KIDINS220: variants seen among roughly 807,000 people sequenced by gnomAD.
KIDINS220 encodes kinase D-interacting substrate of 220 kDa.
Under a neutral mutation model 157.6 loss-of-function variants are expected in KIDINS220, and 63 were observed. The ratio of observed to expected loss-of-function variants is 0.40; its 90% confidence interval spans 0.33 to 0.49. The LOEUF is 0.49. Among genes scored for constraint, KIDINS220 ranks in the 20% least tolerant of loss-of-function variants. KIDINS220 has a pLI of 0.66. For missense variants in KIDINS220, 1,772 were observed against 2,171.2 expected, an observed-to-expected ratio of 0.82 and a Z score of 3.65; for synonymous variants, 732 against 783.6, an observed-to-expected ratio of 0.93 and a Z score of 1.10.
Position 8,731,546 on chromosome 2 carries a change from G to A in KIDINS220, c.4490C>T (p.Ser1497Phe). 6.2e-7 allele frequency: 1 copy of A among 1,614,158 alleles called. No homozygotes were observed. Among genetic ancestry groups the A allele is most frequent in the Non-Finnish European group, 8.5e-7 (1 of 1,180,018 alleles). The change falls in exon 30 of 30, where the codon TCC becomes TTC. Residue 1497 changes from serine to phenylalanine, a missense_variant. Transcript: ENST00000256707. This position sits in a 1 kb window ranked among gnomAD's most constrained non-coding sequence, Gnocchi z 5.2. ...GSKLLPGKKS[S>F]ERSSLFQTDL... ...TGTCTGGAAGAGGCTTGACCTTTCGGAAGATTTCTTGCCTGGGAGAAGCTT... is the reference window on the plus strand; with the variant it reads ...TGTCTGGAAGAGGCTTGACCTTTCGAAAGATTTCTTGCCTGGGAGAAGCTT...
In KIDINS220 at chr2:8,837,566, G is replaced by GT. The variant is rs1680618876; in HGVS notation, c.-124dup. 6.6e-6 allele frequency: 1 copy of GT among 152,286 alleles called. No homozygotes were observed. Among genetic ancestry groups the GT allele is most frequent in the African/African-American group, 2.4e-5 (1 of 41,454 alleles). 9.4% of individuals were successfully genotyped at this position (152,286 alleles called of 1,614,324 possible). A position where few individuals can be genotyped will look rare whatever the true frequency, so the allele number is the denominator to read the frequency against. On this transcript the variant is annotated 5_prime_UTR_variant, in exon 1 of 30. It removes the in-frame stop codon of an upstream open reading frame in the 5' UTR. Coordinates refer to ENST00000256707, the MANE Select transcript of KIDINS220 (RefSeq NM_020738.4). The stretch of plus-strand genomic sequence containing the variant: ...AGCAAGAGACGGCGACTGCAAGCGC[G>GT]TCGCCCTCACCACACCCGGCGGCCA...
chr2:8,721,511 T>C (rs142042518), downstream of KIDINS220: 17 of 152,330 alleles, frequency 1.1e-4, no homozygotes, highest in African/African-American at 4.1e-4. Flanking sequence ...TGGCTATAGA[T>C]TTTTAAGTTT....
chr2:8,776,495 A>G (rs538342725), intron 21 of KIDINS220, among the ~76,000 whole-genome samples: 1 of 152,354 alleles, frequency 6.6e-6, no homozygotes, highest in South Asian at 2.1e-4. Flanking sequence ...TAGTGAAAGA[A>G]AAACTTGAAG....
At position 8,817,650 on chromosome 2, in the gene KIDINS220, T is replaced by C. The variant is rs1198739489; in HGVS notation, c.274A>G (p.Lys92Glu). Residue 92 changes from lysine (K) to glutamate (E), a missense_variant, in exon 4 of 30, where the codon AAA (lysine) becomes GAA (glutamate). By Grantham distance (56) the Lys-to-Glu change is moderately conservative. Transcript: ENST00000256707. ...CGGTGCTCCAAGTTAACCCCACATTTCAGTAGTTCCTCTACGATGTGCACA... is the reference window on the plus strand; with the variant it reads ...CGGTGCTCCAAGTTAACCCCACATTCCAGTAGTTCCTCTACGATGTGCACA... ...GHVHIVEELLKCGVNLEHRDM... is the reference protein window; with the variant it reads ...GHVHIVEELLECGVNLEHRDM... 1 of 1,607,122 alleles carries C rather than the reference T, an allele frequency of 6.2e-7. No homozygotes were observed. Among genetic ancestry groups the C allele is most frequent in the South Asian group, 1.1e-5 (1 of 89,820 alleles).
intron 26 of KIDINS220, among the ~76,000 whole-genome samples, chr2:8,742,955 C>A (rs1429021839): frequency 6.6e-6 from 1 of 152,156 alleles, no homozygotes; most frequent in Non-Finnish European, 1.5e-5. Flanking sequence ...GAGCAGCATA[C>A]CTTAAATTAA....
intron 4 of KIDINS220, among the ~76,000 whole-genome samples, chr2:8,814,367 G>A (rs1676750646): frequency 6.6e-6 from 1 of 152,132 alleles, no homozygotes. Context: ...AACAACTTGA[G>A]CAGTAATATT....
intron 17 of KIDINS220, 117 bp from the exon 18 acceptor site, chr2:8,779,931 T>C: frequency 9.9e-7 from 1 of 1,006,122 alleles, no homozygotes; most frequent in South Asian, 1.6e-5. Context: ...TTCAAAGTCC[T>C]TGCTGCCAGT....
At chr2:8,807,710 A>G (rs1194562910) in intron 6 of KIDINS220, among the ~76,000 whole-genome samples, 1 of 152,182 alleles carries the variant, frequency 6.6e-6, no homozygotes, top group African/African-American at 2.4e-5. Flanking sequence ...GACAGACAGA[A>G]TCACAAGGTT....
At chr2:8,800,150 C>T (rs934421067) in intron 9 of KIDINS220, 13 of 372,856 alleles carry the variant, frequency 3.5e-5, no homozygotes, top group African/African-American at 2.5e-4. Flanking sequence ...TCTATATATA[C>T]CCATTAGTAA....
chr2:8,787,376 C>T (rs1572656424), intron 15 of KIDINS220, among the ~76,000 whole-genome samples: 2 of 144,730 alleles, frequency 1.4e-5, no homozygotes, highest in South Asian at 2.2e-4. Flanking sequence ...TCTTTTAATG[C>T]TTTTTTTTTT....
At chr2:8,775,416 G>T (rs1030305199) in intron 21 of KIDINS220, among the ~76,000 whole-genome samples, 3 of 152,170 alleles carry the variant, frequency 2.0e-5, no homozygotes, top group Non-Finnish European at 4.4e-5. Context: ...AAAGGGAGAT[G>T]AAGGCTAACC....
rs147220863 is a variant in KIDINS220 at position 8,809,161 on chromosome 2, C to T, written c.505-2792G>A. On this transcript the variant is annotated intron_variant, in intron 6 of 29. Transcript: ENST00000256707. Reference sequence around the variant, plus strand: ...TTAGCCTCCCAAGTAGCTGGGATTACAGGCACCCACCACCATGCCCAGCTA... The same window carrying T: ...TTAGCCTCCCAAGTAGCTGGGATTATAGGCACCCACCACCATGCCCAGCTA... Among the ~76,000 whole-genome samples, 566 of 152,298 alleles carry T rather than the reference C, an allele frequency of 3.7e-3. 2 individuals carry two copies. The highest frequency in any genetic ancestry group is 6.2e-3 in the Admixed American group (95 of 15,304).
chr2:8,774,043 T>G (rs921505591), intron 21 of KIDINS220, among the ~76,000 whole-genome samples: 2 of 152,110 alleles, frequency 1.3e-5, no homozygotes, highest in Non-Finnish European at 2.9e-5. Context: ...TAGTGGCTCA[T>G]GCCTGTAATC....
At chr2:8,744,027 G>A (rs958379416) in intron 26 of KIDINS220, among the ~76,000 whole-genome samples, 56 of 148,832 alleles carry the variant, frequency 3.8e-4, no homozygotes, top group African/African-American at 1.4e-3. Context: ...ATATCCAACT[G>A]TTTCACAGAA....
At chr2:8,803,239 G>A in intron 7 of KIDINS220, 112 bp from the exon 8 acceptor site, 4 of 914,216 alleles carry the variant, frequency 4.4e-6, no homozygotes, top group Non-Finnish European at 6.3e-6. Context: ...TCAAATAGGT[G>A]GCCTATTATT....
intron 22 of KIDINS220, among the ~76,000 whole-genome samples, chr2:8,756,099 C>T (rs1172112134): frequency 6.6e-6 from 1 of 152,212 alleles, no homozygotes; most frequent in Non-Finnish European, 1.5e-5. Flanking sequence ...AGTCTTCCTA[C>T]CCATGAGCAC....
At chr2:8,747,065 A>T (rs372839899) in intron 26 of KIDINS220, 80 bp downstream of exon 26, 1 of 1,265,896 alleles carries the variant, frequency 7.9e-7, no homozygotes, top group Middle Eastern at 1.9e-4. Context: ...GTGAGCTGCT[A>T]TCATCACAAT....
chr2:8,739,767 T>A (rs547938306), intron 26 of KIDINS220, among the ~76,000 whole-genome samples: 22 of 152,314 alleles, frequency 1.4e-4, no homozygotes, highest in Non-Finnish European at 2.8e-4. Flanking sequence ...TTTGTTAAAA[T>A]TTTTTTATGA....
chr2:8,798,255 T>C lies in KIDINS220; in HGVS notation c.946A>G (p.Thr316Ala), dbSNP rs753284600. The change falls in exon 10 of 30, where the codon ACA becomes GCA. Residue 316 changes from threonine (T) to alanine (A), a missense_variant. Coordinates refer to ENST00000256707, the MANE Select transcript of KIDINS220 (RefSeq NM_020738.4). ...CACTGTAAGATATCTCTCACCATTG[T>C]TGCATTTCCTTTCTCAACAGCCCAA... ...LYWAVEKGNA[T>A]MVRDILQCNP... is the part of the protein sequence containing the mutation. 6 of 1,612,840 alleles carry C rather than the reference T, an allele frequency of 3.7e-6. No individual in the cohort carries two copies. Among genetic ancestry groups the C allele is most frequent in the South Asian group, 1.1e-5 (1 of 91,054 alleles).
Sources: gnomAD v4.1 joint callset for allele counts (sites outside exome capture counted in the v4.1 genomes callset) on GRCh38, gnomAD v4.1.1 for gene constraint, Gnocchi (gnomAD v3.1) non-coding constraint, MANE v1.5 for transcripts, NCBI Gene and HGNC (gene_info 2026-07-23, HGNC 2026-07-21) for gene names.